The following AAR2 variants were observed in gnomAD, a reference collection of about 807,000 sequenced individuals.
AAR2 encodes the protein protein AAR2 homolog.
In AAR2, 31 loss-of-function variants were observed where a neutral mutation model predicts 26.9. That is an observed-to-expected ratio of 1.15 (90% CI 0.86 to 1.55). The LOEUF is 1.55. Ranked by LOEUF, AAR2 falls within the 40% of genes most tolerant of loss-of-function variation. The pLI, the probability that AAR2 is intolerant of heterozygous loss-of-function variation, is 0.00. For synonymous variants in AAR2, 188 were observed against 196.1 expected (o/e 0.96, Z 0.34); for missense variants, 430 against 491.3 (o/e 0.88, Z 1.18).
At chr20:36,245,541 C>G (rs1216644307) in intron 3 of AAR2, among the ~76,000 whole-genome samples, 1 of 152,228 alleles carries the variant, frequency 6.6e-6, no homozygotes, top group Non-Finnish European at 1.5e-5. Flanking sequence ...GCCTCTGTCA[C>G]TCACATTGTG....
chr20:36,252,843 G>A (rs1465260694), intron 3 of AAR2, among the ~76,000 whole-genome samples: 2 of 152,130 alleles, frequency 1.3e-5, no homozygotes, highest in Admixed American at 6.5e-5. Context: ...TTTGAGAGAA[G>A]GCTTCTGTGC....
chr20:36,246,961 C>T (rs1349740991), intron 3 of AAR2, among the ~76,000 whole-genome samples: 3 of 152,148 alleles, frequency 2.0e-5, no homozygotes, highest in Non-Finnish European at 4.4e-5. Context: ...GTGAGTTAGC[C>T]AGGGTTCCTG....
intron 3 of AAR2, among the ~76,000 whole-genome samples, chr20:36,250,581 G>C (rs1373950883): frequency 6.6e-6 from 1 of 152,188 alleles, no homozygotes; most frequent in Non-Finnish European, 1.5e-5. Flanking sequence ...CCAAGTTTGT[G>C]AAACTGTGGT....
intron 3 of AAR2, among the ~76,000 whole-genome samples, chr20:36,253,446 A>G (rs999099619): frequency 2.0e-5 from 3 of 152,142 alleles, no homozygotes; most frequent in Admixed American, 6.5e-5. Flanking sequence ...AACTCCTCTC[A>G]GCTTCCATTT....
chr20:36,241,036 T>C (rs1221101502), intron 2 of AAR2, among the ~76,000 whole-genome samples: 2 of 151,922 alleles, frequency 1.3e-5, no homozygotes, highest in Non-Finnish European at 2.9e-5. Context: ...CCTCAAGATG[T>C]TGGTCTCTCA....
At chr20:36,241,955 C>G (rs1286592668) in intron 2 of AAR2, among the ~76,000 whole-genome samples, 1 of 152,092 alleles carries the variant, frequency 6.6e-6, no homozygotes, top group Non-Finnish European at 1.5e-5. Context: ...GACAGTTTAA[C>G]AAAGGCCTCT....
chr20:36,242,140 CTTCT>C (rs1569425121), intron 2 of AAR2, among the ~76,000 whole-genome samples: 1 of 135,208 alleles, frequency 7.4e-6, no homozygotes, highest in African/African-American at 3.0e-5. Flanking sequence ...GAATGTAGGA[CTTCT>C]TTTTTTTTTT....
chr20:36,245,122 C>A (rs1047796543), intron 3 of AAR2, among the ~76,000 whole-genome samples, 196 bp downstream of exon 3: 1 of 152,132 alleles, frequency 6.6e-6, no homozygotes, highest in African/African-American at 2.4e-5. Flanking sequence ...CTCTGTACCA[C>A]CCTCTCCCTA....
intron 3 of AAR2, among the ~76,000 whole-genome samples, chr20:36,252,474 G>A (rs1020357088): frequency 6.6e-6 from 1 of 152,142 alleles, no homozygotes; most frequent in African/African-American, 2.4e-5. Flanking sequence ...GTAGCCCTGG[G>A]GCTGAGGGAA....
intron 1 of AAR2, among the ~76,000 whole-genome samples, chr20:36,238,692 G>A (rs1032739430): frequency 6.0e-5 from 9 of 150,302 alleles, no homozygotes; most frequent in South Asian, 4.2e-4. Context: ...GGAGGTGGAC[G>A]ATGTAGTGAG....
At chr20:36,246,541 G>GC (rs1354764490) in intron 3 of AAR2, among the ~76,000 whole-genome samples, 1 of 152,208 alleles carries the variant, frequency 6.6e-6, no homozygotes, top group Admixed American at 6.5e-5. Context: ...GGGTTGTGAG[G>GC]CAGTGTGAGG....
Position 36,256,364 on chromosome 20 carries a change from T to A in AAR2, c.*619T>A, listed in dbSNP as rs183368210. ...TCAGCTTTCTCCATCGAAATCCCATTCTCCTGTCCAGAGGCCCAGTGGGTC... is the reference window on the plus strand; with the variant it reads ...TCAGCTTTCTCCATCGAAATCCCATACTCCTGTCCAGAGGCCCAGTGGGTC... On this transcript the variant is annotated 3_prime_UTR_variant, in exon 4 of 4. Coordinates refer to ENST00000320849, the MANE Select transcript of AAR2 (RefSeq NM_001271874.2). 3 of 152,440 alleles carry A rather than the reference T, an allele frequency of 2.0e-5. No homozygotes were observed. The East Asian group carries it at 5.8e-4, about 29-fold the overall frequency. 9.4% of individuals were successfully genotyped at this position (152,440 alleles called of 1,614,324 possible).
chr20:36,238,025 C>G (rs1249244191), intron 1 of AAR2, among the ~76,000 whole-genome samples: 1 of 151,970 alleles, frequency 6.6e-6, no homozygotes, highest in Non-Finnish European at 1.5e-5. Flanking sequence ...ACCTCATTAT[C>G]CATCCGCCTC....
At chr20:36,245,002 T>C (rs1251941616) in intron 3 of AAR2, 76 bp downstream of exon 3, 24 of 1,373,482 alleles carry the variant, frequency 1.7e-5, no homozygotes, top group Admixed American at 1.9e-5. Context: ...TGTTTCTCGC[T>C]ATTCTTCCAT....
chr20:36,247,864 T>A (rs1218633516), intron 3 of AAR2, among the ~76,000 whole-genome samples: 2 of 151,494 alleles, frequency 1.3e-5, no homozygotes, highest in Admixed American at 6.6e-5. Context: ...AGTGAGACTT[T>A]GTCTCAAAAA....
At position 36,238,559 on chromosome 20, in the gene AAR2, T is replaced by C. The variant is rs536448294; in HGVS notation, c.-48-1262T>C. Among the ~76,000 whole-genome samples the C allele has an allele frequency of 8.7e-4, 132 of 152,094 alleles. 1 individual carries two copies. The highest frequency in any genetic ancestry group is 8.5e-4 in the Non-Finnish European group (58 of 67,986). On this transcript the variant is annotated intron_variant, in intron 1 of 3. Transcript: ENST00000320849. ...ATCACTGAGGTCAGGAGTTCCAGAC[T>C]AGCCTAGGCCACATGGTGAGACCCT...
chr20:36,250,277 G>A (rs981816932), intron 3 of AAR2, among the ~76,000 whole-genome samples: 4 of 152,174 alleles, frequency 2.6e-5, no homozygotes, highest in African/African-American at 9.7e-5. Flanking sequence ...CCCAGTAGGT[G>A]TGCTTTTTGT....
Position 36,240,394 on chromosome 20 carries a change from C to G in AAR2, c.526C>G (p.Gln176Glu), listed in dbSNP as rs2064667099. 1 of 1,614,114 alleles carries G rather than the reference C, an allele frequency of 6.2e-7. No individual in the cohort carries two copies. Among genetic ancestry groups the G allele is most frequent in the Non-Finnish European group, 8.5e-7 (1 of 1,180,052 alleles). ...SMKHTKDRVG[Q>E]NLPRCGIECK... ...GAAGCACACCAAGGACCGCGTGGGG[C>G]AGAATCTACCCCGCTGTGGCATTGA... is the stretch of plus-strand genomic sequence containing the variant. Residue 176 changes from glutamine to glutamate, a missense_variant, in exon 2 of 4, where the codon CAG (glutamine) becomes GAG (glutamate). Gln to Glu is a conservative substitution (Grantham distance 29). Coordinates refer to ENST00000320849, the MANE Select transcript of AAR2 (RefSeq NM_001271874.2).
At position 36,256,894 on chromosome 20, in the gene AAR2, C is replaced by G. The variant is rs1214303855; in HGVS notation, c.*1149C>G. On this transcript the variant is annotated 3_prime_UTR_variant, in exon 4 of 4. Transcript: ENST00000320849. ...ACTTGTTTCCTTGGAGATGTTTTTC[C>G]AAGAGCATAATGTACATTAAAGTCT... 1.3e-5 allele frequency: 2 copies of G among 152,620 alleles called. No homozygotes were observed. The highest frequency in any genetic ancestry group is 4.8e-5 in the African/African-American group (2 of 41,440). The allele number at this position is 152,620 out of a possible 1,614,324, so 9.5% of individuals were successfully genotyped here. A position where few individuals can be genotyped will look rare whatever the true frequency, so the allele number is the denominator to read the frequency against.
Sources: allele counts gnomAD v4.1 joint callset (sites outside exome capture counted in the v4.1 genomes callset), GRCh38; gene constraint gnomAD v4.1.1; transcripts MANE v1.5; gene names NCBI Gene and HGNC (gene_info 2026-07-23, HGNC 2026-07-21).